NAV2: variants seen among roughly 807,000 people sequenced by gnomAD.
NAV2 encodes helicase, APC down-regulated 1.
A neutral mutation model predicts 223.2 loss-of-function variants in NAV2; 54 were observed. The observed-to-expected ratio is 0.24, with a 90% CI of 0.19 to 0.30. NAV2 has a LOEUF of 0.30. Among genes scored for constraint, NAV2 ranks in the 10% least tolerant of loss-of-function variants. The pLI, the probability that NAV2 is intolerant of heterozygous loss-of-function variation, is 1.00. For synonymous variants in NAV2, 1,279 were observed against 1,239.3 expected, an observed-to-expected ratio of 1.03 and a Z score of -0.67; for missense variants, 2,806 against 3,147.5, an observed-to-expected ratio of 0.89 and a Z score of 2.60.
intron 1 of NAV2, among the ~76,000 whole-genome samples, chr11:19,758,478 C>T (rs1290317024): frequency 6.6e-6 from 1 of 152,094 alleles, no homozygotes; most frequent in Non-Finnish European, 1.5e-5. Context: ...CAGGAAGCAG[C>T]GACTGTGATT....
intron 26 of NAV2, 130 bp downstream of exon 26, chr11:20,083,309 G>C: frequency 1.5e-6 from 1 of 686,850 alleles, no homozygotes; most frequent in Non-Finnish European, 2.4e-6. Flanking sequence ...ATAGGACTGT[G>C]CATGTTCTTT....
At chr11:19,613,317 G>T (rs2046695743) in intron 1 of NAV2, among the ~76,000 whole-genome samples, 1 of 152,252 alleles carries the variant, frequency 6.6e-6, no homozygotes, top group Non-Finnish European at 1.5e-5. Context: ...TGGAGGGGAT[G>T]TGAGGCGTTA....
intron 1 of NAV2, among the ~76,000 whole-genome samples, chr11:19,524,302 G>A (rs970343586): frequency 2.0e-5 from 3 of 152,206 alleles, no homozygotes; most frequent in African/African-American, 7.2e-5. Context: ...ACGTCTGTGT[G>A]TGTGATGTCA....
At chr11:19,710,305 T>C (rs746183036), upstream of NAV2, among the ~76,000 whole-genome samples, 1 of 152,240 alleles carries the variant, frequency 6.6e-6, no homozygotes, top group Non-Finnish European at 1.5e-5. Context: ...AACACCAGCA[T>C]GTGCATGACA....
intron 1 of NAV2, among the ~76,000 whole-genome samples, chr11:19,427,371 A>G (rs1350807039): frequency 6.6e-6 from 1 of 152,224 alleles, no homozygotes; most frequent in Non-Finnish European, 1.5e-5. Flanking sequence ...CTTTCTTTTA[A>G]TAAGAAATAG....
chr11:19,629,397 A>G (rs11025203), intron 1 of NAV2, among the ~76,000 whole-genome samples: 17,920 of 152,084 alleles, frequency 0.12, 2,882 homozygotes, highest in African/African-American at 0.36. Flanking sequence ...ACTCTCTGGA[A>G]AGGAATTGTG....
At chr11:19,922,929 C>A (rs1055915217) in intron 6 of NAV2, among the ~76,000 whole-genome samples, 1 of 152,152 alleles carries the variant, frequency 6.6e-6, no homozygotes, top group Non-Finnish European at 1.5e-5. Context: ...TCACAGTGAA[C>A]CTAACTGTTG....
rs2048921382 is a variant in NAV2 at position 19,683,038 on chromosome 11, TG to T, written c.76-149444del. On this transcript the variant is annotated intron_variant, in intron 1 of 37. Transcript: ENST00000360655. The stretch of plus-strand genomic sequence containing the variant: ...CTGTGGATTGTCAACTGTGCCACCC[TG>T]GTTCTGGCTAGAAGTTAGAAGATCT... Among the ~76,000 whole-genome samples, 13 of 152,384 alleles carry T rather than the reference TG, an allele frequency of 8.5e-5. No homozygotes were observed. The South Asian group carries it at 2.7e-3, about 32-fold the overall frequency.
At chr11:19,380,250 C>T (rs1848791870) in intron 1 of NAV2, among the ~76,000 whole-genome samples, 1 of 152,276 alleles carries the variant, frequency 6.6e-6, no homozygotes, top group East Asian at 1.9e-4. Context: ...ATGTTGATAC[C>T]CATCAAGCTT....
chr11:19,632,123 C>T lies in NAV2; in HGVS notation c.76-200361C>T, dbSNP rs1327064093. ...CAAAGGCCCATCTTCAAGACCAGCA[C>T]ACTAGGGACAGCTGTATTGGTTGGA... On this transcript the variant is annotated intron_variant, in intron 1 of 37. Transcript: ENST00000360655. Among the ~76,000 whole-genome samples, 4 of 152,284 alleles carry T rather than the reference C, an allele frequency of 2.6e-5. No homozygotes were observed. In the East Asian group the frequency reaches 5.8e-4, roughly 22 times the overall value.
chr11:19,730,134 T>C (rs745439731), intron 1 of NAV2, among the ~76,000 whole-genome samples: 3 of 152,210 alleles, frequency 2.0e-5, no homozygotes, highest in East Asian at 1.9e-4. Flanking sequence ...CACAGTTCTA[T>C]GGTGAATGTG....
chr11:19,542,725 C>A (rs2044373863), intron 1 of NAV2, among the ~76,000 whole-genome samples: 2 of 152,230 alleles, frequency 1.3e-5, no homozygotes, highest in African/African-American at 4.8e-5. Context: ...CAATTAATAT[C>A]TCTAAGTGCT....
At chr11:19,568,571 G>A (rs1471922861) in intron 1 of NAV2, among the ~76,000 whole-genome samples, 1 of 152,196 alleles carries the variant, frequency 6.6e-6, no homozygotes, top group Non-Finnish European at 1.5e-5. Flanking sequence ...CTCTCCTGGA[G>A]CACTGTTTGT....
At chr11:19,422,991 C>T (rs1156889129) in intron 1 of NAV2, among the ~76,000 whole-genome samples, 1 of 152,242 alleles carries the variant, frequency 6.6e-6, no homozygotes. Flanking sequence ...GGTCAAGTTA[C>T]TTAACCCTTG....
intron 3 of NAV2, 92 bp from the exon 4 acceptor site, chr11:19,868,833 A>T: frequency 7.6e-7 from 1 of 1,312,330 alleles, no homozygotes; most frequent in Non-Finnish European, 1.1e-6. Flanking sequence ...GGCCGTTTTT[A>T]CAGCATTCTG....
chr11:19,979,702 C>T (rs1386903145), intron 10 of NAV2, among the ~76,000 whole-genome samples: 1 of 152,218 alleles, frequency 6.6e-6, no homozygotes, highest in Non-Finnish European at 1.5e-5. Context: ...AGAGCAGGAA[C>T]TAGGTCTTGC....
intron 29 of NAV2, among the ~76,000 whole-genome samples, 159 bp downstream of exon 29, chr11:20,093,358 C>G (rs759603237): frequency 2.6e-5 from 4 of 152,186 alleles, no homozygotes; most frequent in Non-Finnish European, 4.4e-5. Context: ...TTGCAGCATT[C>G]TGACACAAGT....
chr11:19,629,343 G>A (rs867505798), intron 1 of NAV2, among the ~76,000 whole-genome samples: 1 of 151,994 alleles, frequency 6.6e-6, no homozygotes, highest in Non-Finnish European at 1.5e-5. Flanking sequence ...GGCCCATTAG[G>A]CTCTTTCCTA....
intron 1 of NAV2, among the ~76,000 whole-genome samples, chr11:19,742,017 A>C (rs1052409074): frequency 1.3e-5 from 1 of 74,092 alleles, no homozygotes; most frequent in Non-Finnish European, 4.3e-5. Flanking sequence ...TTATCTTTTG[A>C]CTTTTTTTGG....
Sources: gnomAD v4.1 joint callset for allele counts (sites outside exome capture counted in the v4.1 genomes callset) on GRCh38, gnomAD v4.1.1 for gene constraint, MANE v1.5 for transcripts, NCBI Gene and HGNC (gene_info 2026-07-23, HGNC 2026-07-21) for gene names.